EIF2AK3: variants seen among roughly 807,000 people sequenced by gnomAD.
EIF2AK3 encodes the protein eukaryotic translation initiation factor 2 alpha kinase 3.
Under a neutral mutation model 113.5 loss-of-function variants are expected in EIF2AK3, and 50 were observed. That is an observed-to-expected ratio of 0.44 (90% CI 0.35 to 0.56). The LOEUF (loss-of-function observed/expected upper bound fraction) is 0.56. Ranked by LOEUF, EIF2AK3 falls within the 20% of genes least tolerant of loss-of-function variation. EIF2AK3 has a pLI of 0.00. For synonymous variants in EIF2AK3, 448 were observed against 495.4 expected, an observed-to-expected ratio of 0.90 and a Z score of 1.27; for missense variants, 1,185 against 1,378.0, an observed-to-expected ratio of 0.86 and a Z score of 2.22.
Position 88,583,431 on chromosome 2 carries a change from G to T in EIF2AK3, c.1762C>A (p.Arg588=). Residue 588 remains arginine (R), a splice_region_variant and synonymous_variant, in exon 10 of 17, where the codon CGA becomes AGA. Transcript: ENST00000303236. ...GGTTGTATTTTATAAGACTCTTACC[G>T]TGATATATATCCAGAGTTTTTTATG... The part of the protein sequence containing the change: ...NDIKNSGYIS[R]YLTDFEPIQC... 2.5e-6 allele frequency: 4 copies of T among 1,603,310 alleles called. No individual in the cohort carries two copies. Among genetic ancestry groups the T allele is most frequent in the Non-Finnish European group, 3.4e-6 (4 of 1,171,290 alleles).
intron 9 of EIF2AK3, among the ~76,000 whole-genome samples, 161 bp from the exon 10 acceptor site, chr2:88,583,703 A>C (rs1674651119): frequency 6.6e-6 from 1 of 152,196 alleles, no homozygotes; most frequent in Admixed American, 6.5e-5. Flanking sequence ...TTTATTATAA[A>C]AGAAAAAAAG....
At chr2:88,563,909 G>A (rs1387150096) in intron 14 of EIF2AK3, among the ~76,000 whole-genome samples, 4 of 152,012 alleles carry the variant, frequency 2.6e-5, no homozygotes, top group East Asian at 3.8e-4. Context: ...GATATTTTTG[G>A]TAAGTGATTT....
intron 1 of EIF2AK3, among the ~76,000 whole-genome samples, chr2:88,624,205 C>A (rs1222199092): frequency 6.6e-6 from 1 of 152,138 alleles, no homozygotes; most frequent in Non-Finnish European, 1.5e-5. Context: ...GTTGGCCAGG[C>A]CGGTCTCAAA....
intron 14 of EIF2AK3, among the ~76,000 whole-genome samples, chr2:88,563,057 A>T (rs1674007902): frequency 6.6e-6 from 1 of 152,242 alleles, no homozygotes; most frequent in South Asian, 2.1e-4. Context: ...CTACTCGACT[A>T]AAGAAAGCAT....
chr2:88,595,320 T>C, intron 3 of EIF2AK3, 149 bp downstream of exon 3: 1 of 734,018 alleles, frequency 1.4e-6, no homozygotes, highest in Non-Finnish European at 2.3e-6. Flanking sequence ...TTCCCCTTCC[T>C]ACCTCACAGT....
intron 5 of EIF2AK3, 54 bp downstream of exon 5, chr2:88,590,764 G>T: frequency 6.3e-7 from 1 of 1,594,316 alleles, no homozygotes; most frequent in Non-Finnish European, 8.6e-7. Flanking sequence ...CAATAAGTTT[G>T]GTCAGACTGG....
At chr2:88,593,244 C>T in intron 4 of EIF2AK3, 28 bp downstream of exon 4, 1 of 1,613,676 alleles carries the variant, frequency 6.2e-7, no homozygotes, top group Non-Finnish European at 8.5e-7. Context: ...CTAAATAATA[C>T]CAACAGCAAC....
At chr2:88,569,875 G>T (rs1303657157) in intron 14 of EIF2AK3, among the ~76,000 whole-genome samples, 3 of 152,104 alleles carry the variant, frequency 2.0e-5, no homozygotes, top group African/African-American at 7.2e-5. Flanking sequence ...CTACATATCT[G>T]TGCGAGGCCA....
intron 6 of EIF2AK3, among the ~76,000 whole-genome samples, chr2:88,589,524 G>C (rs909145751): frequency 6.6e-5 from 10 of 151,818 alleles, no homozygotes; most frequent in Non-Finnish European, 1.2e-4. Context: ...AAAAAAGAAA[G>C]AAATCTAATC....
At chr2:88,571,644 C>A (rs1274842106) in intron 13 of EIF2AK3, among the ~76,000 whole-genome samples, 1 of 152,144 alleles carries the variant, frequency 6.6e-6, no homozygotes, top group Non-Finnish European at 1.5e-5. Context: ...TCCACTGCCA[C>A]GTGCCCAGAT....
intron 2 of EIF2AK3, among the ~76,000 whole-genome samples, chr2:88,602,337 C>T (rs1339646928): frequency 6.6e-6 from 1 of 152,038 alleles, no homozygotes; most frequent in Non-Finnish European, 1.5e-5. Context: ...TTGGTGAGAC[C>T]AGTGTGTTCC....
chr2:88,621,313 TA>T (rs777171518), intron 1 of EIF2AK3, among the ~76,000 whole-genome samples: 2 of 152,236 alleles, frequency 1.3e-5, no homozygotes, highest in Non-Finnish European at 2.9e-5. Context: ...CAAATTCTGA[TA>T]AGTGTATGCT....
intron 1 of EIF2AK3, among the ~76,000 whole-genome samples, chr2:88,620,627 G>C (rs556308069): frequency 3.0e-4 from 46 of 152,326 alleles, no homozygotes; most frequent in African/African-American, 1.0e-3. Context: ...TGGAGCCCTG[G>C]CTTAGGAACC....
At chr2:88,594,895 T>G (rs1553410344) in intron 3 of EIF2AK3, among the ~76,000 whole-genome samples, 1 of 137,480 alleles carries the variant, frequency 7.3e-6, no homozygotes, top group Non-Finnish European at 1.6e-5. Context: ...AAATAATGTA[T>G]AAAAAAAAGA....
chr2:88,609,243 T>A (rs1208885548), intron 2 of EIF2AK3, among the ~76,000 whole-genome samples: 1 of 152,212 alleles, frequency 6.6e-6, no homozygotes. Context: ...ATATACCAAT[T>A]AAGTAATTTT....
intron 2 of EIF2AK3, among the ~76,000 whole-genome samples, chr2:88,596,628 A>G (rs1307558144): frequency 6.6e-6 from 1 of 152,158 alleles, no homozygotes. Flanking sequence ...AGGCTTTGCA[A>G]AGGCTCTTAG....
chr2:88,620,456 C>T (rs1675693677), intron 1 of EIF2AK3, among the ~76,000 whole-genome samples: 1 of 152,218 alleles, frequency 6.6e-6, no homozygotes, highest in Non-Finnish European at 1.5e-5. Context: ...CTTGAAAGAA[C>T]TGTAATTACT....
chr2:88,591,309 G>T (rs1390342129), intron 4 of EIF2AK3, among the ~76,000 whole-genome samples: 1 of 152,148 alleles, frequency 6.6e-6, no homozygotes, highest in African/African-American at 2.4e-5. Context: ...CTAAGGGACA[G>T]ATTTTCTCTC....
chr2:88,595,369 A>T, intron 3 of EIF2AK3, 100 bp downstream of exon 3: 1 of 1,193,460 alleles, frequency 8.4e-7, no homozygotes, highest in Non-Finnish European at 1.2e-6. Flanking sequence ...GGGGAAAATT[A>T]CAATAAAACT....
Sources: gnomAD v4.1 joint callset for allele counts (sites outside exome capture counted in the v4.1 genomes callset) on GRCh38, gnomAD v4.1.1 for gene constraint, MANE v1.5 for transcripts, NCBI Gene and HGNC (gene_info 2026-07-23, HGNC 2026-07-21) for gene names.